The following RAD51B variants were observed in gnomAD, a reference collection of about 807,000 sequenced individuals.
RAD51B encodes RAD51 paralog B.
Under a neutral mutation model 42.2 loss-of-function variants are expected in RAD51B, and 38 were observed. The observed-to-expected ratio is 0.90, with a 90% confidence interval of 0.70 to 1.18. The LOEUF (loss-of-function observed/expected upper bound fraction) is 1.18. Ranked by LOEUF, RAD51B falls within the 50% of genes most tolerant of loss-of-function variation. The pLI, the probability that RAD51B is intolerant of heterozygous loss-of-function variation, is 0.00. For missense variants in RAD51B, 373 were observed against 400.7 expected, an observed-to-expected ratio of 0.93 and a Z score of 0.59; for synonymous variants, 154 against 145.2, an observed-to-expected ratio of 1.06 and a Z score of -0.43.
chr14:68,659,071 A>T (rs1221676964), intron 11 of RAD51B, among the ~76,000 whole-genome samples: 1 of 152,178 alleles, frequency 6.6e-6, no homozygotes, highest in African/African-American at 2.4e-5. Context: ...GGCAAGGGTG[A>T]CCGTGTGGCC....
At chr14:68,423,137 G>A (rs1010117743) in intron 9 of RAD51B, among the ~76,000 whole-genome samples, 4 of 152,126 alleles carry the variant, frequency 2.6e-5, no homozygotes, top group African/African-American at 9.7e-5. Flanking sequence ...GTATCCCACT[G>A]CCCATTTTCT....
At chr14:68,399,875 A>G (rs890812042) in intron 8 of RAD51B, among the ~76,000 whole-genome samples, 2 of 152,170 alleles carry the variant, frequency 1.3e-5, no homozygotes, top group African/African-American at 4.8e-5. Context: ...TTTTTCCAGG[A>G]TGCAGTCCAG....
chr14:68,002,153 A>G (rs914142113), intron 7 of RAD51B, among the ~76,000 whole-genome samples: 8 of 151,906 alleles, frequency 5.3e-5, no homozygotes, highest in East Asian at 1.9e-4. Flanking sequence ...ACTAATTTAC[A>G]CTCCCACCAA....
rs547934696 is a variant in RAD51B at position 68,230,894 on chromosome 14, A to G, written c.757-60990A>G. ...ATTCTTTGATGTGAGAAAAATTACT[A>G]TCATCATTATCACACATGGAAGGTC... is the stretch of plus-strand genomic sequence containing the variant. On this transcript the variant is annotated intron_variant, in intron 7 of 10. Transcript: ENST00000471583. Among the ~76,000 whole-genome samples, 16 of 152,330 alleles carry G rather than the reference A, an allele frequency of 1.1e-4. 1 individual carries two copies. In the South Asian group the frequency reaches 1.7e-3, roughly 16 times the overall value.
At chr14:67,835,328 T>C in intron 4 of RAD51B, 132 bp downstream of exon 4, 1 of 709,130 alleles carries the variant, frequency 1.4e-6, no homozygotes, top group African/African-American at 1.8e-5. Flanking sequence ...TTCAAGGATA[T>C]GGTTCTCCAC....
At chr14:68,593,515 G>A (rs1212689124) in intron 10 of RAD51B, among the ~76,000 whole-genome samples, 1 of 152,188 alleles carries the variant, frequency 6.6e-6, no homozygotes, top group Non-Finnish European at 1.5e-5. Context: ...GTGGTTTGAT[G>A]GGGAGGGAGA....
In RAD51B at chr14:67,958,677, G is replaced by A. The variant is rs368802313; in HGVS notation, c.756+71473G>A. ...TGGGATGATTGAATGTAAAGTTGAT[G>A]AGGTGAAACTGTAGCCAAGTGAATA... is the stretch of plus-strand genomic sequence containing the variant. On this transcript the variant is annotated intron_variant, in intron 7 of 10. Transcript: ENST00000471583. 4.6e-4 allele frequency among the ~76,000 whole-genome samples: 70 copies of A among 152,320 alleles called. 1 individual carries two copies. The South Asian group carries it at 0.014, about 31-fold the overall frequency.
At chr14:68,335,589 G>A (rs527879010) in intron 8 of RAD51B, among the ~76,000 whole-genome samples, 22 of 152,170 alleles carry the variant, frequency 1.4e-4, no homozygotes, top group Non-Finnish European at 2.4e-4. Context: ...GACAATGTGG[G>A]GAGTGGTAGA....
exon 11 of RAD51B, chr14:68,611,370 G>C (rs1891676095): frequency 4.7e-6 from 3 of 636,266 alleles, no homozygotes; most frequent in South Asian, 3.6e-5. Flanking sequence ...GGATGTCATG[G>C]TTTTACAATG....
intron 7 of RAD51B, among the ~76,000 whole-genome samples, chr14:68,029,814 A>G (rs564399015): frequency 2.6e-5 from 4 of 152,312 alleles, no homozygotes; most frequent in East Asian, 1.9e-4. Context: ...TGTGGCACTT[A>G]CAGCCTCTTG....
At chr14:68,090,903 C>A (rs1331302414) in intron 7 of RAD51B, among the ~76,000 whole-genome samples, 1 of 137,612 alleles carries the variant, frequency 7.3e-6, no homozygotes, top group Non-Finnish European at 1.5e-5. Flanking sequence ...TTCCTGTGTC[C>A]ATGTGTTCTC....
At chr14:68,338,701 A>G (rs2082509248) in intron 8 of RAD51B, 2 of 269,450 alleles carry the variant, frequency 7.4e-6, no homozygotes, top group Non-Finnish European at 1.5e-5. Flanking sequence ...AATTATTTTT[A>G]TGGACAGAAA....
chr14:68,018,847 A>G (rs2075819329), intron 7 of RAD51B, among the ~76,000 whole-genome samples: 1 of 152,152 alleles, frequency 6.6e-6, no homozygotes, highest in Non-Finnish European at 1.5e-5. Flanking sequence ...TGGACTTTGG[A>G]GTAAATAAGC....
intron 7 of RAD51B, among the ~76,000 whole-genome samples, chr14:67,932,789 G>A (rs1388449641): frequency 6.6e-6 from 1 of 152,124 alleles, no homozygotes; most frequent in African/African-American, 2.4e-5. Flanking sequence ...GCTATGCCAA[G>A]GAGGGGAGGG....
At chr14:68,222,523 C>T (rs1409698753) in intron 7 of RAD51B, among the ~76,000 whole-genome samples, 5 of 144,670 alleles carry the variant, frequency 3.5e-5, no homozygotes, top group Non-Finnish European at 7.5e-5. Flanking sequence ...TGGGGACTTG[C>T]GGGAAAAGGT....
intron 7 of RAD51B, among the ~76,000 whole-genome samples, chr14:68,138,841 A>G (rs948903984): frequency 6.6e-6 from 1 of 152,146 alleles, no homozygotes; most frequent in Middle Eastern, 3.2e-3. Flanking sequence ...GTGCTTTTCT[A>G]TCTTCATTCA....
At chr14:68,059,943 A>T (rs534104025) in intron 7 of RAD51B, among the ~76,000 whole-genome samples, 1 of 152,274 alleles carries the variant, frequency 6.6e-6, no homozygotes, top group Admixed American at 6.5e-5. Context: ...AAAAGATTTA[A>T]AAGTTTAGTA....
chr14:68,456,234 C>A (rs993043087), intron 9 of RAD51B, among the ~76,000 whole-genome samples: 3 of 152,134 alleles, frequency 2.0e-5, no homozygotes, highest in African/African-American at 7.2e-5. Context: ...CCTACTTTAT[C>A]AATAATTACA....
intron 7 of RAD51B, among the ~76,000 whole-genome samples, chr14:67,923,546 A>G (rs1015032747): frequency 4.6e-5 from 7 of 151,734 alleles, no homozygotes; most frequent in African/African-American, 1.7e-4. Context: ...TGATCCGCCC[A>G]CCTCAGCCTC....
Sources: allele counts gnomAD v4.1 joint callset (sites outside exome capture counted in the v4.1 genomes callset), GRCh38; gene constraint gnomAD v4.1.1; transcripts MANE v1.5; gene names NCBI Gene and HGNC (gene_info 2026-07-23, HGNC 2026-07-21).